Variants in POFUT3 observed in about 807,000 individuals in gnomAD.
The protein encoded by POFUT3 is protein O-fucosyltransferase 3.
At chr8:33,357,594 A>G in the POFUT3 span, among the ~76,000 whole-genome samples, 1 of 151,522 alleles carries the variant, frequency 6.6e-6, no homozygotes, top group Non-Finnish European at 1.5e-5. Context: ...CTCTGTATAT[A>G]CCTCTTAAGT....
chr8:33,385,866 T>C, the POFUT3 span, among the ~76,000 whole-genome samples: 2 of 150,946 alleles, frequency 1.3e-5, no homozygotes, highest in Non-Finnish European at 2.9e-5. Context: ...TTGTGCCATA[T>C]AGAACGAATC....
chr8:33,384,839 A>G, the POFUT3 span, among the ~76,000 whole-genome samples: 1 of 151,932 alleles, frequency 6.6e-6, no homozygotes, highest in South Asian at 2.1e-4. Context: ...AAAAAAGAAT[A>G]CCTTCTTCAG....
At chr8:33,415,836 T>A in the POFUT3 span, among the ~76,000 whole-genome samples, 1 of 152,074 alleles carries the variant, frequency 6.6e-6, no homozygotes, top group Non-Finnish European at 1.5e-5. Context: ...TATTTAATGG[T>A]CCCCCAAGGG....
the POFUT3 span, chr8:33,453,524 C>A: frequency 1.3e-6 from 2 of 1,571,872 alleles, no homozygotes; most frequent in Non-Finnish European, 1.7e-6. Context: ...AAAGAGAAGA[C>A]AATTATTATC....
the POFUT3 span, among the ~76,000 whole-genome samples, chr8:33,350,710 A>G: frequency 1.3e-5 from 2 of 152,106 alleles, no homozygotes; most frequent in Admixed American, 6.5e-5. Context: ...AAAATTGATC[A>G]TATATATATT....
chr8:33,449,596 G>A, the POFUT3 span, among the ~76,000 whole-genome samples: 2 of 151,940 alleles, frequency 1.3e-5, no homozygotes, highest in Non-Finnish European at 2.9e-5. Flanking sequence ...GGCCTGAGTT[G>A]ACTTTTAAAA....
the POFUT3 span, among the ~76,000 whole-genome samples, chr8:33,343,092 C>T: frequency 1.4e-5 from 2 of 144,138 alleles, no homozygotes; most frequent in African/African-American, 5.2e-5. Flanking sequence ...GCCTGGGCGA[C>T]AGAGCAAGAC....
the POFUT3 span, chr8:33,461,752 A>G: frequency 1.0e-6 from 1 of 954,350 alleles, no homozygotes; most frequent in Non-Finnish European, 1.4e-6. Context: ...TCTTTTAGCC[A>G]TAGCGCAGAT....
the POFUT3 span, among the ~76,000 whole-genome samples, chr8:33,358,641 G>A: frequency 6.6e-6 from 1 of 152,200 alleles, no homozygotes; most frequent in East Asian, 1.9e-4. Flanking sequence ...GTATTAGGAG[G>A]TGTGGCCTCT....
chr8:33,436,319 C>G, the POFUT3 span: 14 of 1,328,090 alleles, frequency 1.1e-5, no homozygotes, highest in Non-Finnish European at 1.4e-5. Context: ...CCTTGATGGT[C>G]TCCACTGCAT....
the POFUT3 span, among the ~76,000 whole-genome samples, chr8:33,317,218 A>T: frequency 3.4e-3 from 525 of 152,260 alleles, 3 homozygotes; most frequent in African/African-American, 0.012. Context: ...AGATAACAAC[A>T]TATGTCCTTG....
the POFUT3 span, among the ~76,000 whole-genome samples, chr8:33,410,200 T>C: frequency 6.6e-6 from 1 of 152,068 alleles, no homozygotes; most frequent in South Asian, 2.1e-4. Flanking sequence ...GATGGAAAGG[T>C]GCAAGTACCA....
chr8:33,331,003 T>G, the POFUT3 span, among the ~76,000 whole-genome samples: 4 of 152,152 alleles, frequency 2.6e-5, no homozygotes, highest in South Asian at 8.3e-4. Flanking sequence ...ATTTAACAAA[T>G]GTAGACATAT....
chr8:33,437,215 T>C, the POFUT3 span, among the ~76,000 whole-genome samples: 1 of 152,256 alleles, frequency 6.6e-6, no homozygotes, highest in African/African-American at 2.4e-5. Flanking sequence ...AACAGTGCTA[T>C]GATGAACATG....
the POFUT3 span, among the ~76,000 whole-genome samples, chr8:33,379,575 C>T: frequency 3.9e-5 from 6 of 151,928 alleles, no homozygotes; most frequent in Non-Finnish European, 7.4e-5. Context: ...CAGTGGCTCA[C>T]GCCTGTAATC....
chr8:33,438,014 T>C, the POFUT3 span, among the ~76,000 whole-genome samples: 1 of 152,172 alleles, frequency 6.6e-6, no homozygotes, highest in African/African-American at 2.4e-5. Flanking sequence ...TATGTAGATG[T>C]CAATTACCTT....
At chr8:33,367,120 C>G in the POFUT3 span, among the ~76,000 whole-genome samples, 1 of 152,044 alleles carries the variant, frequency 6.6e-6, no homozygotes, top group Non-Finnish European at 1.5e-5. Context: ...GGGAACAAGT[C>G]CCCCAAAATC....
the POFUT3 span, among the ~76,000 whole-genome samples, chr8:33,351,623 A>G: frequency 6.6e-6 from 1 of 152,122 alleles, no homozygotes; most frequent in Non-Finnish European, 1.5e-5. Context: ...TTATATGCAG[A>G]TGCTGGCACC....
At chr8:33,401,020 G>A in the POFUT3 span, among the ~76,000 whole-genome samples, 9 of 151,844 alleles carry the variant, frequency 5.9e-5, 1 homozygote, top group South Asian at 6.2e-4. Flanking sequence ...TCACTTTGTC[G>A]CCCAAGCTGG....
Sources: gnomAD v4.1 joint callset for allele counts (sites outside exome capture counted in the v4.1 genomes callset) on GRCh38, gnomAD v4.1.1 for gene constraint, MANE v1.5 for transcripts, NCBI Gene and HGNC (gene_info 2026-07-23, HGNC 2026-07-21) for gene names.